The following PHLDB2 variants were observed in gnomAD, a reference collection of about 807,000 sequenced individuals.
PHLDB2 encodes the protein pleckstrin homology like domain family B member 2, also known as pleckstrin homology-like domain family B member 2.
In PHLDB2, 71 loss-of-function variants were observed where a neutral mutation model predicts 123.6. The ratio of observed to expected loss-of-function variants is 0.57; its 90% CI spans 0.47 to 0.70. The LOEUF (loss-of-function observed/expected upper bound fraction) is 0.70. PHLDB2 is among the 30% of genes least tolerant of loss of function. PHLDB2 has a pLI of 0.00. For missense variants in PHLDB2, 1,446 were observed against 1,519.5 expected, an observed-to-expected ratio of 0.95 and a Z score of 0.80; for synonymous variants, 547 against 541.6, an observed-to-expected ratio of 1.01 and a Z score of -0.14.
At chr3:111,808,905 C>G (rs891004780) in intron 1 of PHLDB2, among the ~76,000 whole-genome samples, 1 of 152,148 alleles carries the variant, frequency 6.6e-6, no homozygotes, top group Non-Finnish European at 1.5e-5. Context: ...TAGAACTCTA[C>G]TACTAGTACT....
rs542982723 is a variant in PHLDB2, at chr3:111,953,876, A to G, written c.2773-54A>G. The G allele has an allele frequency of 1.4e-5, 19 of 1,405,662 alleles. No individual in the cohort carries two copies. In the South Asian group the frequency reaches 1.4e-4, roughly 10 times the overall value. 87.1% of individuals were successfully genotyped at this position (1,405,662 alleles called of 1,614,324 possible). On this transcript the variant is annotated intron_variant, in intron 11 of 17. Transcript: ENST00000431670. ...GGAAACAGGGATGTGGCCATTTCCT[A>G]AAGGTCCATTCAGCCTGCAGCTTGC... is the stretch of plus-strand genomic sequence containing the variant.
In PHLDB2 at chr3:111,932,259, T is replaced by C; in HGVS notation, c.2002-10T>C. ...AATTTCTATTCTATTTTCTGGTTTC[T>C]GAACTTCAGGAGAAGGTAAAGCTTG... On this transcript the variant is annotated splice_polypyrimidine_tract_variant and intron_variant, in intron 5 of 17. Transcript: ENST00000431670. 6.5e-7 allele frequency: 1 copy of C among 1,550,060 alleles called. No individual in the cohort carries two copies. Among genetic ancestry groups the C allele is most frequent in the Non-Finnish European group, 8.7e-7 (1 of 1,146,206 alleles).
intron 3 of PHLDB2, chr3:111,917,342 A>G (rs2068239353): frequency 6.6e-6 from 1 of 152,170 alleles, no homozygotes; most frequent in Non-Finnish European, 1.5e-5. Flanking sequence ...AGAGTTTTGC[A>G]GATTGTTCTG....
chr3:111,858,259 C>T (rs765828648), upstream of PHLDB2, among the ~76,000 whole-genome samples: 1 of 151,906 alleles, frequency 6.6e-6, no homozygotes, highest in Non-Finnish European at 1.5e-5. Flanking sequence ...ACAATGAGAA[C>T]ATATGGACCC....
rs903736473 is a variant in PHLDB2 at position 111,925,017 on chromosome 3, C to T, written c.2001+4598C>T. Among the ~76,000 whole-genome samples the T allele has an allele frequency of 7.9e-5, 12 of 151,894 alleles. 1 individual carries two copies. The highest frequency in any genetic ancestry group is 4.6e-4 in the Admixed American group (7 of 15,242). ...CTAATTTTTACATTTTTAATAGAGACGGAGTTTCGTCATGTTGTCCAGGCT... is the reference window on the plus strand; with the variant it reads ...CTAATTTTTACATTTTTAATAGAGATGGAGTTTCGTCATGTTGTCCAGGCT... On this transcript the variant is annotated intron_variant, in intron 5 of 17. Transcript: ENST00000431670.
intron 1 of PHLDB2, among the ~76,000 whole-genome samples, chr3:111,749,874 C>T (rs2059741053): frequency 6.6e-6 from 1 of 152,140 alleles, no homozygotes; most frequent in South Asian, 2.1e-4. Context: ...AAGGCATTTC[C>T]ATTTCATGGT....
upstream of PHLDB2, among the ~76,000 whole-genome samples, chr3:111,857,593 G>A (rs1156974751): frequency 1.3e-5 from 2 of 151,476 alleles, no homozygotes; most frequent in African/African-American, 4.9e-5. Flanking sequence ...GCACTTAACT[G>A]TTTAACTGTT....
chr3:111,850,991 G>A (rs1209807193), intron 2 of PHLDB2, among the ~76,000 whole-genome samples: 2 of 151,628 alleles, frequency 1.3e-5, no homozygotes, highest in Admixed American at 1.3e-4. Context: ...GTCAGGAGAT[G>A]GAGACCAACC....
intron 1 of PHLDB2, among the ~76,000 whole-genome samples, chr3:111,822,820 A>G (rs1404159823): frequency 6.6e-6 from 1 of 152,194 alleles, no homozygotes. Flanking sequence ...ATCACATACT[A>G]TATAATTAAT....
At chr3:111,799,195 A>G (rs1300753375) in intron 1 of PHLDB2, among the ~76,000 whole-genome samples, 2 of 152,182 alleles carry the variant, frequency 1.3e-5, no homozygotes, top group African/African-American at 4.8e-5. Flanking sequence ...GGATTATGGG[A>G]ACTAAAATTC....
At chr3:111,929,688 C>G (rs998053342) in intron 5 of PHLDB2, among the ~76,000 whole-genome samples, 8 of 152,094 alleles carry the variant, frequency 5.3e-5, no homozygotes, top group African/African-American at 1.9e-4. Context: ...GCCCACCTGC[C>G]ACTGGTCTTC....
At chr3:111,962,786 G>C (rs1206378556) in intron 13 of PHLDB2, among the ~76,000 whole-genome samples, 3 of 151,880 alleles carry the variant, frequency 2.0e-5, no homozygotes, top group Non-Finnish European at 2.9e-5. Context: ...AAAATTAGCT[G>C]GGCATGGTGG....
chr3:111,809,801 G>A (rs1215239793), intron 1 of PHLDB2, among the ~76,000 whole-genome samples: 1 of 152,160 alleles, frequency 6.6e-6, no homozygotes, highest in South Asian at 2.1e-4. Flanking sequence ...GAAGACAATA[G>A]TCATGATGTA....
chr3:111,886,244 T>C (rs1487006067), intron 2 of PHLDB2, among the ~76,000 whole-genome samples: 1 of 152,230 alleles, frequency 6.6e-6, no homozygotes, highest in Non-Finnish European at 1.5e-5. Flanking sequence ...AGCAACACAG[T>C]AGGATTATCA....
At chr3:111,808,488 C>G (rs6783371) in intron 1 of PHLDB2, among the ~76,000 whole-genome samples, 53,541 of 150,160 alleles carry the variant, frequency 0.36, 9,847 homozygotes, top group East Asian at 0.48. Context: ...AACATATATT[C>G]TGGGTTTTTT....
chr3:111,914,507 C>A (rs2068059801), intron 3 of PHLDB2: 1 of 152,088 alleles, frequency 6.6e-6, no homozygotes, highest in African/African-American at 2.4e-5. Context: ...TTCAATTAGC[C>A]AAATTGATAG....
intron 1 of PHLDB2, among the ~76,000 whole-genome samples, chr3:111,876,042 G>A (rs998570855): frequency 6.6e-6 from 1 of 151,946 alleles, no homozygotes; most frequent in African/African-American, 2.4e-5. Context: ...TTTTTGGTGT[G>A]ATTTCTTCCA....
intron 1 of PHLDB2, among the ~76,000 whole-genome samples, chr3:111,780,399 A>AGAAGAAGGAGGAG (rs1553726801): frequency 1.3e-5 from 1 of 74,364 alleles, no homozygotes; most frequent in Non-Finnish European, 2.9e-5. Flanking sequence ...AAGAAGAAGA[A>AGAAGAAGGAGGAG]GAAGAAGAAG....
chr3:111,823,948 T>A (rs956045966), intron 1 of PHLDB2, among the ~76,000 whole-genome samples: 2 of 152,196 alleles, frequency 1.3e-5, no homozygotes, highest in African/African-American at 4.8e-5. Flanking sequence ...TAACTTAGTT[T>A]CATCTGGGAT....
Sources: gnomAD v4.1 joint callset for allele counts (sites outside exome capture counted in the v4.1 genomes callset) on GRCh38, gnomAD v4.1.1 for gene constraint, MANE v1.5 for transcripts, NCBI Gene and HGNC (gene_info 2026-07-23, HGNC 2026-07-21) for gene names.